GNA11: variants seen among roughly 807,000 people sequenced by gnomAD.
GNA11 encodes the protein guanine nucleotide-binding protein subunit alpha-11.
A neutral mutation model predicts 38.2 loss-of-function variants in GNA11; 8 were observed. The ratio of observed to expected loss-of-function variants is 0.21; its 90% confidence interval spans 0.12 to 0.38. The LOEUF (loss-of-function observed/expected upper bound fraction) is 0.38, where lower values mean the gene tolerates loss of function less well. GNA11 is among the 10% of genes least tolerant of loss of function. The pLI is 1.00. For synonymous variants in GNA11, 211 were observed against 221.4 expected (o/e 0.95, Z 0.42); for missense variants, 268 against 516.3 (o/e 0.52, Z 4.66).
rs756722832 is a variant in GNA11, at chr19:3,114,968, C to T, written c.501C>T (p.Ile167=). The change falls in exon 4 of 7, where the codon ATC becomes ATT. Residue 167 remains isoleucine (I), a synonymous_variant. Transcript: ENST00000078429. The stretch of plus-strand genomic sequence containing the variant: ...GCTACCTGACCGACGTTGACCGCAT[C>T]GCCACCTTGGGCTACCTGCCCACCC... ...AKYYLTDVDR[I]ATLGYLPTQQ... is the part of the protein sequence containing the mutation. The T allele has an allele frequency of 4.8e-5, 78 of 1,612,548 alleles. No individual in the cohort carries two copies. Among genetic ancestry groups the T allele is most frequent in the African/African-American group, 1.9e-4 (14 of 74,938 alleles).
Position 3,108,841 on chromosome 19 carries a change from C to T in GNA11, c.137-1308C>T, listed in dbSNP as rs1460339525. Among the ~76,000 whole-genome samples, 1 of 152,102 alleles carries T rather than the reference C, an allele frequency of 6.6e-6. No homozygotes were observed. The highest frequency in any genetic ancestry group is 1.5e-5 in the Non-Finnish European group (1 of 68,030). The stretch of plus-strand genomic sequence containing the variant: ...ACATCATTTGAAGGCTGGACTGGAG[C>T]TGGAGGAGCCACTCACAAGTTGGCT... On this transcript the variant is annotated intron_variant, in intron 1 of 6. Transcript: ENST00000078429. This position sits in a 1 kb window ranked among gnomAD's most constrained non-coding sequence, Gnocchi z 4.5.
chr19:3,107,055 G>A (rs996142655), intron 1 of GNA11, among the ~76,000 whole-genome samples: 1 of 152,216 alleles, frequency 6.6e-6, no homozygotes, highest in African/African-American at 2.4e-5. Flanking sequence ...TAACCAACAT[G>A]GAGAAACACC....
At chr19:3,099,364 C>T (rs962146748) in intron 1 of GNA11, among the ~76,000 whole-genome samples, 12 of 152,164 alleles carry the variant, frequency 7.9e-5, no homozygotes, top group African/African-American at 2.4e-4. Context: ...TGACTGAGAG[C>T]GGTGGATGCG....
At chr19:3,107,299 G>A (rs1913662660) in intron 1 of GNA11, among the ~76,000 whole-genome samples, 1 of 152,156 alleles carries the variant, frequency 6.6e-6, no homozygotes, top group African/African-American at 2.4e-5. Context: ...AGTGACCTGT[G>A]GCGTTTCAGA....
At chr19:3,101,261 G>A (rs1451278917) in intron 1 of GNA11, among the ~76,000 whole-genome samples, 2 of 152,154 alleles carry the variant, frequency 1.3e-5, no homozygotes, top group East Asian at 1.9e-4. Flanking sequence ...GCCACCGAGC[G>A]GGACTTGTGC....
chr19:3,102,141 G>A (rs1478543870), intron 1 of GNA11, among the ~76,000 whole-genome samples: 3 of 151,430 alleles, frequency 2.0e-5, no homozygotes, highest in Non-Finnish European at 2.9e-5. Flanking sequence ...AAAAAAAAAC[G>A]TAGAAAACAT....
intron 3 of GNA11, 42 bp from the exon 4 acceptor site, chr19:3,114,902 C>CA (rs1299502607): frequency 8.9e-6 from 14 of 1,566,118 alleles, no homozygotes; most frequent in South Asian, 1.2e-5. Flanking sequence ...CCTGCCCCCC[C>CA]ACCCCCGGCA....
In GNA11 at chr19:3,122,674, C is replaced by T. The variant is rs1599309796; in HGVS notation, c.*1495C>T. 4 of 233,406 alleles carry T rather than the reference C, an allele frequency of 1.7e-5. No homozygotes were observed. Among genetic ancestry groups the T allele is most frequent in the East Asian group, 6.0e-5 (1 of 16,598 alleles). 14.5% of individuals were successfully genotyped at this position (233,406 alleles called of 1,614,324 possible). The stretch of plus-strand genomic sequence containing the variant: ...AGGGATGGATCGCCTGTGCTGCCTT[C>T]GCCCGCCGCCACACCGGGACCCTGC... On this transcript the variant is annotated 3_prime_UTR_variant, in exon 7 of 7. Transcript: ENST00000078429. The surrounding 1 kb of genome is among the most constrained non-coding windows in gnomAD (Gnocchi z 7.7).
intron 1 of GNA11, among the ~76,000 whole-genome samples, chr19:3,104,975 T>G (rs1435010916): frequency 6.6e-6 from 1 of 151,862 alleles, no homozygotes; most frequent in East Asian, 1.9e-4. Context: ...CAGCTGCCAG[T>G]GCCCACGACG....
In GNA11 at chr19:3,123,578, C is replaced by T. The variant is rs566604063; in HGVS notation, c.*2399C>T. The T allele has an allele frequency of 1.8e-4, 41 of 233,200 alleles. No homozygotes were observed. The highest frequency in any genetic ancestry group is 7.3e-4 in the African/African-American group (33 of 45,468). The allele number at this position is 233,200 out of a possible 1,614,324, so 14.4% of individuals were successfully genotyped here. A position where few individuals can be genotyped will look rare whatever the true frequency, so the allele number is the denominator to read the frequency against. On this transcript the variant is annotated 3_prime_UTR_variant, in exon 7 of 7. Transcript: ENST00000078429. Reference sequence around the variant, plus strand: ...CGTGAGTGCCGACCACCTTCTCCGACCATGTTACGCCCGGGCGGCAGCAGC... The same window carrying T: ...CGTGAGTGCCGACCACCTTCTCCGATCATGTTACGCCCGGGCGGCAGCAGC...
At chr19:3,115,228 A>T in intron 4 of GNA11, 156 bp downstream of exon 4, 1 of 768,752 alleles carries the variant, frequency 1.3e-6, no homozygotes, top group South Asian at 1.8e-5. Context: ...ACATAGCCAG[A>T]CCTCATATCT....
At chr19:3,105,323 C>G (rs575919841) in intron 1 of GNA11, among the ~76,000 whole-genome samples, 8 of 145,046 alleles carry the variant, frequency 5.5e-5, no homozygotes, top group African/African-American at 2.1e-4. Context: ...GGCACAGTGG[C>G]TTGTAAACTA....
At chr19:3,109,679 G>C (rs1913723005) in intron 1 of GNA11, among the ~76,000 whole-genome samples, 1 of 152,186 alleles carries the variant, frequency 6.6e-6, no homozygotes, top group Non-Finnish European at 1.5e-5. Context: ...CCCAGCCCTT[G>C]GGGTGGTCTG....
At chr19:3,115,985 G>A (rs1402632714) in intron 4 of GNA11, among the ~76,000 whole-genome samples, 1 of 148,684 alleles carries the variant, frequency 6.7e-6, no homozygotes. Flanking sequence ...GGGAGGAGGG[G>A]TCATAGGGAC....
rs369633640 is a variant in GNA11 at position 3,115,031 on chromosome 19, C to A, written c.564C>A (p.Gly188=). 6.2e-7 allele frequency: 1 copy of A among 1,613,392 alleles called. No individual in the cohort carries two copies. Among genetic ancestry groups the A allele is most frequent in the Non-Finnish European group, 8.5e-7 (1 of 1,179,902 alleles). ...DVLRVRVPTT[G]IIEYPFDLEN... The stretch of plus-strand genomic sequence containing the variant: ...TGCGGGTCCGCGTGCCCACCACCGG[C>A]ATCATCGAGTACCCTTTCGACCTGG... The change falls in exon 4 of 7, where the codon GGC becomes GGA. Residue 188 remains glycine, a synonymous_variant. Coordinates refer to ENST00000078429, the MANE Select transcript of GNA11 (RefSeq NM_002067.5).
rs1394085196 is a variant in GNA11 at position 3,123,474 on chromosome 19, C to T, written c.*2295C>T. The T allele has an allele frequency of 8.6e-6, 2 of 233,262 alleles. No individual in the cohort carries two copies. The highest frequency in any genetic ancestry group is 4.4e-5 in the African/African-American group (2 of 45,378). The allele number at this position is 233,262 out of a possible 1,614,324, so 14.4% of individuals were successfully genotyped here. A position where few individuals can be genotyped will look rare whatever the true frequency, so the allele number is the denominator to read the frequency against. On this transcript the variant is annotated 3_prime_UTR_variant, in exon 7 of 7. Transcript: ENST00000078429. ...CAGGGGCAAGGACAGCCAACCCCCA[C>T]CCTTGCCACGTGTGGGGCCACGTGG... is the stretch of plus-strand genomic sequence containing the variant.
In GNA11 at chr19:3,094,925, C is replaced by T. The variant is rs12459813; in HGVS notation, c.136+138C>T. ...GTCGCGAGACCCTCCGGGGTCAGCC[C>T]TGCCTGTGCCTTCCCTGCCTGTCCG... On this transcript the variant is annotated intron_variant, in intron 1 of 6. Coordinates refer to ENST00000078429, the MANE Select transcript of GNA11 (RefSeq NM_002067.5). This position sits in a 1 kb window ranked among gnomAD's most constrained non-coding sequence, Gnocchi z 6.0. The T allele has an allele frequency of 0.066, 36,053 of 542,754 alleles. 1,767 individuals carry two copies. The highest frequency in any genetic ancestry group is 0.22 in the Admixed American group (4,881 of 22,558). 33.6% of individuals were successfully genotyped at this position (542,754 alleles called of 1,614,324 possible). A position where few individuals can be genotyped will look rare whatever the true frequency, so the allele number is the denominator to read the frequency against.
Position 3,110,034 on chromosome 19 carries a change from G to A in GNA11, c.137-115G>A, listed in dbSNP as rs752017023. 18 of 757,232 alleles carry A rather than the reference G, an allele frequency of 2.4e-5. No individual in the cohort carries two copies. The highest frequency in any genetic ancestry group is 3.0e-5 in the Non-Finnish European group (14 of 465,644). The allele number at this position is 757,232 out of a possible 1,614,324, so 46.9% of individuals were successfully genotyped here. On this transcript the variant is annotated intron_variant, in intron 1 of 6. Transcript: ENST00000078429. The surrounding 1 kb of genome is among the most constrained non-coding windows in gnomAD (Gnocchi z 5.4). ...CTGGTGGAGAGACGGTCAGCCTCAC[G>A]TGCCTTGGTTTCCTGTGCTGGGTGC...
chr19:3,104,597 G>A (rs976501946), intron 1 of GNA11, among the ~76,000 whole-genome samples: 5 of 152,202 alleles, frequency 3.3e-5, no homozygotes, highest in Non-Finnish European at 7.3e-5. Context: ...ACTGGAGTGC[G>A]GGGGACCCAA....
Sources: allele counts gnomAD v4.1 joint callset (sites outside exome capture counted in the v4.1 genomes callset), GRCh38; gene constraint gnomAD v4.1.1; non-coding constraint Gnocchi (gnomAD v3.1); transcripts MANE v1.5; gene names NCBI Gene and HGNC (gene_info 2026-07-23, HGNC 2026-07-21).